ASIC2: variants seen among roughly 807,000 people sequenced by gnomAD.
ASIC2 encodes acid-sensing ion channel 2.
In ASIC2, 25 loss-of-function variants were observed where a neutral mutation model predicts 57.3. The observed-to-expected ratio is 0.44, with a 90% CI of 0.32 to 0.61. ASIC2 has a LOEUF of 0.61. ASIC2 is among the 20% of genes least tolerant of loss of function. The pLI is 0.06. For synonymous variants in ASIC2, 319 were observed against 307.5 expected, an observed-to-expected ratio of 1.04 and a Z score of -0.39; for missense variants, 641 against 738.1, an observed-to-expected ratio of 0.87 and a Z score of 1.52.
intron 1 of ASIC2, among the ~76,000 whole-genome samples, chr17:33,876,954 T>C (rs1471142106): frequency 6.6e-6 from 1 of 152,232 alleles, no homozygotes; most frequent in Non-Finnish European, 1.5e-5. Context: ...GAGCTCTCTG[T>C]TATTTCTAAG....
chr17:33,489,387 C>G (rs1913678968), intron 1 of ASIC2, among the ~76,000 whole-genome samples: 1 of 152,166 alleles, frequency 6.6e-6, no homozygotes, highest in South Asian at 2.1e-4. Flanking sequence ...TGCCGAGGAG[C>G]TGACAGTCAA....
chr17:33,879,155 G>A (rs1247040182), intron 1 of ASIC2, among the ~76,000 whole-genome samples: 1 of 152,164 alleles, frequency 6.6e-6, no homozygotes, highest in Non-Finnish European at 1.5e-5. Context: ...GCAAAAACAT[G>A]CCAAACTGTA....
At chr17:33,695,582 G>C (rs112414686) in intron 1 of ASIC2, among the ~76,000 whole-genome samples, 2 of 152,324 alleles carry the variant, frequency 1.3e-5, no homozygotes, top group East Asian at 3.9e-4. Context: ...CTATACAGAA[G>C]GTCCCATTTC....
At chr17:33,020,187 T>A (rs887549024) in intron 7 of ASIC2, among the ~76,000 whole-genome samples, 3 of 152,156 alleles carry the variant, frequency 2.0e-5, no homozygotes, top group Non-Finnish European at 4.4e-5. Context: ...GAGCCCTGGG[T>A]CCCTGGCATA....
intron 1 of ASIC2, among the ~76,000 whole-genome samples, chr17:33,267,002 A>T (rs1909488289): frequency 6.6e-6 from 1 of 152,044 alleles, no homozygotes; most frequent in African/African-American, 2.4e-5. Context: ...AAATTCACTG[A>T]CTCTCAAAAT....
chr17:33,297,830 AT>A, upstream of ASIC2, among the ~76,000 whole-genome samples: 1 of 116,074 alleles, frequency 8.6e-6, no homozygotes, highest in Admixed American at 9.1e-5. Flanking sequence ...CTCAAAATAA[AT>A]AAATAAATAA....
chr17:33,807,304 G>A (rs1206088348), intron 1 of ASIC2, among the ~76,000 whole-genome samples: 1 of 152,162 alleles, frequency 6.6e-6, no homozygotes, highest in African/African-American at 2.4e-5. Flanking sequence ...TATGGCTATA[G>A]GTAGTGGCTT....
intron 1 of ASIC2, among the ~76,000 whole-genome samples, chr17:33,468,578 G>A (rs1386516555): frequency 6.6e-6 from 1 of 151,796 alleles, no homozygotes; most frequent in African/African-American, 2.4e-5. Context: ...TTTCCAGGAT[G>A]CTTTATAATT....
At chr17:33,464,593 TTC>T (rs370585556) in intron 1 of ASIC2, among the ~76,000 whole-genome samples, 12 of 146,254 alleles carry the variant, frequency 8.2e-5, no homozygotes, top group South Asian at 4.3e-4. Context: ...ATCTCTTTCT[TTC>T]TCTCTTTCTT....
intron 1 of ASIC2, among the ~76,000 whole-genome samples, chr17:33,540,606 A>G (rs893785642): frequency 2.0e-5 from 3 of 152,108 alleles, no homozygotes; most frequent in African/African-American, 7.2e-5. Flanking sequence ...CTGCCCTCAC[A>G]TAGAGTTAGT....
chr17:33,921,012 CTGTTATAGTAG>C (rs1191168461), intron 1 of ASIC2, among the ~76,000 whole-genome samples: 3 of 152,192 alleles, frequency 2.0e-5, no homozygotes, highest in Non-Finnish European at 4.4e-5. Context: ...ACATAGAAAG[CTGTTATAGTAG>C]TGCCTTATTT....
intron 2 of ASIC2, among the ~76,000 whole-genome samples, chr17:33,093,666 T>C (rs2092166446): frequency 6.6e-6 from 1 of 152,122 alleles, no homozygotes; most frequent in Non-Finnish European, 1.5e-5. Context: ...AGGTGAGATC[T>C]ACCTGGCCAG....
At chr17:33,388,653 T>G (rs1466851912) in intron 1 of ASIC2, among the ~76,000 whole-genome samples, 1 of 152,266 alleles carries the variant, frequency 6.6e-6, no homozygotes, top group Non-Finnish European at 1.5e-5. Context: ...GGTCCAGACC[T>G]GCCTCTCATG....
At chr17:33,937,449 T>C (rs1916092379) in intron 1 of ASIC2, among the ~76,000 whole-genome samples, 1 of 151,820 alleles carries the variant, frequency 6.6e-6, no homozygotes, top group South Asian at 2.1e-4. Context: ...CCCATCAGAA[T>C]GTAATGTATA....
intron 1 of ASIC2, among the ~76,000 whole-genome samples, chr17:33,726,254 G>T (rs1327362001): frequency 1.3e-5 from 2 of 152,150 alleles, no homozygotes; most frequent in African/African-American, 4.8e-5. Flanking sequence ...TAGCATCCCA[G>T]TTGAGCCTCT....
intron 1 of ASIC2, among the ~76,000 whole-genome samples, chr17:33,595,040 C>G (rs988651592): frequency 6.6e-6 from 1 of 151,858 alleles, no homozygotes; most frequent in African/African-American, 2.4e-5. Flanking sequence ...GGAAACATAG[C>G]GAGACGTTAT....
chr17:33,139,224 G>C (rs552540607), intron 1 of ASIC2, among the ~76,000 whole-genome samples: 1 of 152,088 alleles, frequency 6.6e-6, no homozygotes, highest in Non-Finnish European at 1.5e-5. Flanking sequence ...ATATGCTGGG[G>C]ACAGACTCTT....
intron 1 of ASIC2, among the ~76,000 whole-genome samples, chr17:34,027,905 A>G (rs955935214): frequency 1.3e-5 from 2 of 152,224 alleles, no homozygotes; most frequent in Non-Finnish European, 2.9e-5. Context: ...TTGGGCCATG[A>G]CATTGTGTCA....
intron 1 of ASIC2, among the ~76,000 whole-genome samples, chr17:33,328,549 G>T (rs1016805832): frequency 3.3e-5 from 5 of 152,036 alleles, no homozygotes; most frequent in African/African-American, 1.2e-4. Flanking sequence ...TTCTGCCTCT[G>T]GTGACCACGT....
Sources: allele counts gnomAD v4.1 joint callset (sites outside exome capture counted in the v4.1 genomes callset), GRCh38; gene constraint gnomAD v4.1.1; transcripts MANE v1.5; gene names NCBI Gene and HGNC (gene_info 2026-07-23, HGNC 2026-07-21).